CNBD1: variants seen among roughly 807,000 people sequenced by gnomAD.
CNBD1 encodes cyclic nucleotide-binding domain-containing protein 1.
Under a neutral mutation model 54.4 loss-of-function variants are expected in CNBD1, and 71 were observed. The observed-to-expected ratio is 1.30, with a 90% CI of 1.08 to 1.59. The LOEUF (loss-of-function observed/expected upper bound fraction) is 1.59, where lower values mean the gene tolerates loss of function less well. Ranked by LOEUF, CNBD1 falls within the 40% of genes most tolerant of loss-of-function variation. CNBD1 has a pLI of 0.00. For synonymous variants in CNBD1, 182 were observed against 170.7 expected, an observed-to-expected ratio of 1.07 and a Z score of -0.51; for missense variants, 659 against 518.0, an observed-to-expected ratio of 1.27 and a Z score of -2.64.
chr8:87,327,767 G>A (rs1016280223), intron 8 of CNBD1, among the ~76,000 whole-genome samples: 5 of 152,138 alleles, frequency 3.3e-5, no homozygotes, highest in East Asian at 1.9e-4. Context: ...CGTCTTCTGC[G>A]TCGCTCACGC....
chr8:87,411,424 A>ATATATATG (rs1360094708), intron 2 of CNBD1, among the ~76,000 whole-genome samples: 1 of 142,072 alleles, frequency 7.0e-6, no homozygotes, highest in Non-Finnish European at 1.5e-5. Context: ...ATATATATAT[A>ATATATATG]TATTTCATTC....
intron 8 of CNBD1, among the ~76,000 whole-genome samples, chr8:87,348,154 G>A (rs1309177575): frequency 1.3e-5 from 2 of 152,024 alleles, no homozygotes; most frequent in Non-Finnish European, 2.9e-5. Flanking sequence ...CTTTAAATGT[G>A]CCACAGAATT....
At chr8:87,077,518 G>A (rs1385202178) in intron 4 of CNBD1, among the ~76,000 whole-genome samples, 82 of 146,842 alleles carry the variant, frequency 5.6e-4, no homozygotes, top group Non-Finnish European at 1.3e-4. Context: ...CCATTAACTC[G>A]TCATTTACAT....
chr8:87,205,691 A>G (rs1647830118), intron 4 of CNBD1, among the ~76,000 whole-genome samples: 3 of 152,102 alleles, frequency 2.0e-5, no homozygotes, highest in Admixed American at 2.0e-4. Flanking sequence ...GCAACTTTAC[A>G]ATAGGAGTAC....
chr8:86,974,418 AG>A (rs60215127), intron 4 of CNBD1, among the ~76,000 whole-genome samples: 2,998 of 152,198 alleles, frequency 0.02, 91 homozygotes, highest in African/African-American at 0.067. Flanking sequence ...CTATGTATGT[AG>A]TTGCATATGT....
chr8:87,128,309 G>C (rs946772426), intron 4 of CNBD1, among the ~76,000 whole-genome samples: 1 of 152,178 alleles, frequency 6.6e-6, no homozygotes, highest in African/African-American at 2.4e-5. Context: ...CTTGGGCTTT[G>C]GGAGTTGCAG....
chr8:87,263,825 C>G lies in CNBD1; in HGVS notation c.772-20853C>G, dbSNP rs1157157064. ...AAGAAAATTAAATGTAAAACATTAG[C>G]AGGCAACAGAGAAGATATACTAAGA... On this transcript the variant is annotated intron_variant, in intron 6 of 10. Coordinates refer to ENST00000518476, the MANE Select transcript of CNBD1 (RefSeq NM_173538.3). 4.6e-5 allele frequency among the ~76,000 whole-genome samples: 7 copies of G among 152,076 alleles called. No homozygotes were observed. In the East Asian group the frequency reaches 1.4e-3, roughly 29 times the overall value.
intron 4 of CNBD1, among the ~76,000 whole-genome samples, chr8:87,108,264 A>T (rs1811582375): frequency 6.6e-6 from 1 of 152,168 alleles, no homozygotes; most frequent in African/African-American, 2.4e-5. Context: ...TCTTAAAGTG[A>T]AATCGTAATA....
At chr8:86,875,191 A>G (rs1386481335) in intron 1 of CNBD1, among the ~76,000 whole-genome samples, 2 of 151,790 alleles carry the variant, frequency 1.3e-5, no homozygotes, top group Admixed American at 6.6e-5. Context: ...TTTGTAATCT[A>G]TCTTCCATAT....
At chr8:87,196,359 G>A (rs1392996854) in intron 4 of CNBD1, among the ~76,000 whole-genome samples, 1 of 152,160 alleles carries the variant, frequency 6.6e-6, no homozygotes, top group East Asian at 1.9e-4. Context: ...TTGTTAGAAA[G>A]ATTAGATAAG....
At chr8:86,928,119 C>T (rs1056192364) in intron 3 of CNBD1, among the ~76,000 whole-genome samples, 1 of 152,078 alleles carries the variant, frequency 6.6e-6, no homozygotes, top group African/African-American at 2.4e-5. Flanking sequence ...GTTGGAACAG[C>T]TCTGTTCCCT....
At chr8:87,210,152 A>C (rs1563508761) in intron 5 of CNBD1, among the ~76,000 whole-genome samples, 1 of 152,212 alleles carries the variant, frequency 6.6e-6, no homozygotes, top group Non-Finnish European at 1.5e-5. Flanking sequence ...CTGTAGAAGA[A>C]ATTTCTAAGC....
intron 8 of CNBD1, among the ~76,000 whole-genome samples, chr8:87,348,822 T>A (rs770436649): frequency 1.3e-5 from 2 of 152,216 alleles, no homozygotes; most frequent in Non-Finnish European, 2.9e-5. Context: ...TAGAATAAAA[T>A]GATTTTATTA....
chr8:87,218,454 C>T (rs1279076292), intron 5 of CNBD1, among the ~76,000 whole-genome samples: 2 of 151,998 alleles, frequency 1.3e-5, no homozygotes, highest in African/African-American at 2.4e-5. Flanking sequence ...ATCACGGTGC[C>T]ATTCTTTTGA....
At chr8:87,214,080 C>G (rs1187129295) in intron 5 of CNBD1, among the ~76,000 whole-genome samples, 1 of 152,224 alleles carries the variant, frequency 6.6e-6, no homozygotes, top group African/African-American at 2.4e-5. Flanking sequence ...GTTCCCATAT[C>G]TTGGGCAGCT....
chr8:87,305,464 A>T (rs1351024436), intron 8 of CNBD1, among the ~76,000 whole-genome samples: 1 of 152,180 alleles, frequency 6.6e-6, no homozygotes, highest in Non-Finnish European at 1.5e-5. Flanking sequence ...GATTAAGCAA[A>T]AAGAAGAAAT....
At chr8:86,923,189 G>A (rs1299392317) in intron 3 of CNBD1, among the ~76,000 whole-genome samples, 1 of 152,112 alleles carries the variant, frequency 6.6e-6, no homozygotes, top group Non-Finnish European at 1.5e-5. Context: ...GCGGCTCAAG[G>A]GCCCAGTTAC....
chr8:87,356,212 A>C (rs531352511), intron 10 of CNBD1, among the ~76,000 whole-genome samples: 6 of 152,190 alleles, frequency 3.9e-5, no homozygotes, highest in Non-Finnish European at 7.3e-5. Flanking sequence ...GGGTGTTGCT[A>C]TAAAGATACA....
chr8:87,229,868 A>T (rs1814629734), intron 5 of CNBD1, among the ~76,000 whole-genome samples: 2 of 152,246 alleles, frequency 1.3e-5, no homozygotes, highest in Admixed American at 6.5e-5. Context: ...ATTTAAGGAA[A>T]TAATTGAGGG....
Sources: gnomAD v4.1 joint callset for allele counts (sites outside exome capture counted in the v4.1 genomes callset) on GRCh38, gnomAD v4.1.1 for gene constraint, MANE v1.5 for transcripts, NCBI Gene and HGNC (gene_info 2026-07-23, HGNC 2026-07-21) for gene names.